BMERB1: variants seen among roughly 807,000 people sequenced by gnomAD.
The protein encoded by BMERB1 is bMERB domain containing 1, also known as bMERB domain-containing protein 1.
A neutral mutation model predicts 23.6 loss-of-function variants in BMERB1; 12 were observed. The observed-to-expected ratio is 0.51, with a 90% confidence interval of 0.33 to 0.82. BMERB1 has a LOEUF of 0.82. Among genes scored for constraint, BMERB1 ranks in the 40% least tolerant of loss-of-function variants. BMERB1 has a pLI of 0.03. For missense variants in BMERB1, 247 were observed against 255.4 expected (o/e 0.97, Z 0.22); for synonymous variants, 122 against 96.6 (o/e 1.26, Z -1.54).
chr16:15,516,909 C>T (rs1025237910), intron 2 of BMERB1, among the ~76,000 whole-genome samples: 3 of 152,072 alleles, frequency 2.0e-5, no homozygotes, highest in Admixed American at 6.6e-5. Context: ...GCAGTGAGGC[C>T]GTCATAGCTC....
intron 1 of BMERB1, among the ~76,000 whole-genome samples, chr16:15,455,473 A>G (rs142764842): frequency 6.6e-6 from 1 of 151,384 alleles, no homozygotes; most frequent in Non-Finnish European, 1.5e-5. Context: ...TTATTTATTT[A>G]TTTTTGAGAT....
intron 1 of BMERB1, among the ~76,000 whole-genome samples, chr16:15,464,898 A>T (rs925325476): frequency 1.3e-5 from 2 of 152,004 alleles, no homozygotes; most frequent in African/African-American, 4.8e-5. Flanking sequence ...AGAATGCCTG[A>T]CTTCCTGGGG....
intron 1 of BMERB1, among the ~76,000 whole-genome samples, chr16:15,439,547 C>T (rs2050920449): frequency 6.6e-6 from 1 of 152,132 alleles, no homozygotes; most frequent in South Asian, 2.1e-4. Context: ...TGATTCTGTA[C>T]ATACTGCCTT....
At chr16:15,478,577 A>G (rs960621598) in intron 1 of BMERB1, among the ~76,000 whole-genome samples, 5 of 152,192 alleles carry the variant, frequency 3.3e-5, no homozygotes, top group Non-Finnish European at 5.9e-5. Context: ...ACCCTGGGTG[A>G]CTGAGACTCT....
intron 2 of BMERB1, among the ~76,000 whole-genome samples, chr16:15,524,912 C>A (rs9937052): frequency 6.6e-6 from 1 of 152,128 alleles, no homozygotes; most frequent in Non-Finnish European, 1.5e-5. Context: ...TTACATTCTG[C>A]TCAGAGGACC....
At chr16:15,461,989 C>G (rs750918933) in intron 1 of BMERB1, among the ~76,000 whole-genome samples, 1 of 151,976 alleles carries the variant, frequency 6.6e-6, no homozygotes, top group Non-Finnish European at 1.5e-5. Flanking sequence ...AAAACTCCCC[C>G]AAACAGGTGC....
rs2050959384 is a variant in BMERB1, at chr16:15,443,532, C to T, written c.106+8773C>T. On this transcript the variant is annotated intron_variant, in intron 1 of 5. Coordinates refer to ENST00000300006, the MANE Select transcript of BMERB1 (RefSeq NM_033201.3). ...CTCCAGCCTGGGCGACAGTGAGGCC[C>T]TATCTCAAAAAACAAACAAACAAAC... 2.0e-5 allele frequency among the ~76,000 whole-genome samples: 3 copies of T among 152,128 alleles called. No individual in the cohort carries two copies. The South Asian group carries it at 6.2e-4, about 32-fold the overall frequency.
At chr16:15,455,333 AAAAAG>A (rs1284573448) in intron 1 of BMERB1, among the ~76,000 whole-genome samples, 2 of 150,066 alleles carry the variant, frequency 1.3e-5, no homozygotes, top group Non-Finnish European at 2.9e-5. Flanking sequence ...CAAAAAAAAA[AAAAAG>A]AAAAGAAAAG....
chr16:15,462,671 C>G (rs893678073), intron 1 of BMERB1, among the ~76,000 whole-genome samples: 1 of 152,044 alleles, frequency 6.6e-6, no homozygotes, highest in African/African-American at 2.4e-5. Context: ...CCCAACAGAG[C>G]GTTCAAGAGT....
At chr16:15,515,077 G>A (rs1352619014) in intron 1 of BMERB1, among the ~76,000 whole-genome samples, 4 of 152,156 alleles carry the variant, frequency 2.6e-5, no homozygotes, top group South Asian at 2.1e-4. Flanking sequence ...GCCAGACTCC[G>A]TCTAAAAACA....
intron 4 of BMERB1, among the ~76,000 whole-genome samples, chr16:15,582,120 G>A (rs145427131): frequency 0.013 from 1,961 of 152,310 alleles, 46 homozygotes; most frequent in African/African-American, 0.045. Context: ...TTCTATGGTC[G>A]GGTACAGTGG....
intron 2 of BMERB1, among the ~76,000 whole-genome samples, chr16:15,563,978 T>G (rs2030497829): frequency 1.3e-5 from 2 of 152,074 alleles, no homozygotes; most frequent in Non-Finnish European, 2.9e-5. Context: ...TCTCACTCTT[T>G]TAGTTCCTGG....
intron 1 of BMERB1, among the ~76,000 whole-genome samples, chr16:15,473,338 T>A (rs923593221): frequency 4.7e-5 from 7 of 149,624 alleles, no homozygotes; most frequent in African/African-American, 1.7e-4. Flanking sequence ...CAGGCTGGAG[T>A]GGAGTGCAGT....
At chr16:15,539,196 A>G (rs945447887) in intron 2 of BMERB1, among the ~76,000 whole-genome samples, 1 of 152,176 alleles carries the variant, frequency 6.6e-6, no homozygotes, top group Non-Finnish European at 1.5e-5. Flanking sequence ...GTGGCAGATC[A>G]TCAGGCATTA....
intron 2 of BMERB1, among the ~76,000 whole-genome samples, chr16:15,521,189 A>G (rs2051849156): frequency 6.6e-6 from 1 of 152,238 alleles, no homozygotes; most frequent in South Asian, 2.1e-4. Context: ...CTTGTCAGTG[A>G]TGGGCTTTCT....
intron 1 of BMERB1, among the ~76,000 whole-genome samples, chr16:15,476,534 C>T (rs925052677): frequency 2.6e-5 from 4 of 152,196 alleles, no homozygotes; most frequent in Non-Finnish European, 5.9e-5. Context: ...TTGTTGACAC[C>T]AGTGTAGGTG....
chr16:15,459,693 G>C (rs1274066370), intron 1 of BMERB1, among the ~76,000 whole-genome samples: 4 of 152,066 alleles, frequency 2.6e-5, no homozygotes. Flanking sequence ...CCATACCTTG[G>C]AACCTCTCCA....
chr16:15,531,510 C>T (rs770269720), intron 2 of BMERB1, among the ~76,000 whole-genome samples: 1 of 152,162 alleles, frequency 6.6e-6, no homozygotes. Context: ...CATATAAGGG[C>T]CAAGCCCAGA....
At chr16:15,586,073 T>C (rs2031131839) in intron 5 of BMERB1, among the ~76,000 whole-genome samples, 1 of 152,170 alleles carries the variant, frequency 6.6e-6, no homozygotes, top group African/African-American at 2.4e-5. Flanking sequence ...GAAATTTTTT[T>C]TTATCAATAA....
Sources: allele counts gnomAD v4.1 joint callset (sites outside exome capture counted in the v4.1 genomes callset), GRCh38; gene constraint gnomAD v4.1.1; transcripts MANE v1.5; gene names NCBI Gene and HGNC (gene_info 2026-07-23, HGNC 2026-07-21).